Variants in TPD52 observed in about 807,000 individuals in gnomAD.
The protein encoded by TPD52 is tumor protein D52.
In TPD52, 17 loss-of-function variants were observed where a neutral mutation model predicts 31.3. The ratio of observed to expected loss-of-function variants is 0.54; its 90% CI spans 0.37 to 0.82. The LOEUF (loss-of-function observed/expected upper bound fraction) is 0.82. Ranked by LOEUF, TPD52 falls within the 40% of genes least tolerant of loss-of-function variation. The pLI, the probability that TPD52 is intolerant of heterozygous loss-of-function variation, is 0.00. For synonymous variants in TPD52, 83 were observed against 89.6 expected, an observed-to-expected ratio of 0.93 and a Z score of 0.42; for missense variants, 212 against 240.1, an observed-to-expected ratio of 0.88 and a Z score of 0.77.
intron 1 of TPD52, among the ~76,000 whole-genome samples, chr8:80,149,027 T>G (rs940449425): frequency 6.6e-6 from 1 of 152,156 alleles, no homozygotes; most frequent in African/African-American, 2.4e-5. Context: ...CAAAAAGTGT[T>G]GTTACAGCCT....
intron 1 of TPD52, chr8:80,171,095 C>T (rs1812053205): frequency 1.4e-5 from 9 of 638,100 alleles, no homozygotes; most frequent in Non-Finnish European, 2.6e-5. Context: ...GCGCCGTGCT[C>T]CCTTCACGCG....
chr8:80,087,201 ATAAG>A (rs1221395251), intron 1 of TPD52, among the ~76,000 whole-genome samples: 1 of 152,136 alleles, frequency 6.6e-6, no homozygotes, highest in Non-Finnish European at 1.5e-5. Flanking sequence ...GGCTTGTAAC[ATAAG>A]TAAGTGTGTG....
chr8:80,101,059 G>C (rs1806694605), intron 1 of TPD52, among the ~76,000 whole-genome samples: 3 of 152,328 alleles, frequency 2.0e-5, no homozygotes, highest in South Asian at 4.1e-4. Flanking sequence ...ATTTACTATT[G>C]AACGTATTAG....
At chr8:80,096,319 A>ACACACACACACACACAC (rs1563622982) in intron 1 of TPD52, among the ~76,000 whole-genome samples, 27 of 139,350 alleles carry the variant, frequency 1.9e-4, no homozygotes, top group African/African-American at 6.8e-4. Context: ...CACACACACA[A>ACACACACACACACACAC]ACTTCTCCTA....
chr8:80,144,480 G>C (rs1810055310), intron 1 of TPD52, among the ~76,000 whole-genome samples: 1 of 152,218 alleles, frequency 6.6e-6, no homozygotes, highest in African/African-American at 2.4e-5. Context: ...CTGAGGGCCT[G>C]TCTTTGTCAC....
intron 1 of TPD52, among the ~76,000 whole-genome samples, chr8:80,118,687 C>T (rs1447066104): frequency 6.6e-6 from 1 of 152,198 alleles, no homozygotes. Flanking sequence ...TGGCCAACAT[C>T]ATTAGACATC....
intron 2 of TPD52, among the ~76,000 whole-genome samples, chr8:80,062,197 T>C (rs1812623160): frequency 6.6e-6 from 1 of 152,242 alleles, no homozygotes; most frequent in African/African-American, 2.4e-5. Flanking sequence ...AATAGTGTGA[T>C]ACTGTCAAAA....
At chr8:80,154,068 G>T (rs1810760320) in intron 1 of TPD52, among the ~76,000 whole-genome samples, 1 of 152,178 alleles carries the variant, frequency 6.6e-6, no homozygotes, top group African/African-American at 2.4e-5. Context: ...CACTGTGAAG[G>T]ACACAATCAC....
chr8:80,085,691 G>T (rs529660364), intron 1 of TPD52, among the ~76,000 whole-genome samples: 2 of 151,942 alleles, frequency 1.3e-5, no homozygotes, highest in African/African-American at 4.8e-5. Context: ...ATAGAGAGAA[G>T]GAAGAACTAC....
At chr8:80,093,736 T>G (rs557681117) in intron 1 of TPD52, among the ~76,000 whole-genome samples, 1 of 152,330 alleles carries the variant, frequency 6.6e-6, no homozygotes, top group East Asian at 1.9e-4. Flanking sequence ...TCTTGTCAAT[T>G]TTTCATTAAA....
intron 1 of TPD52, chr8:80,080,527 A>G: frequency 1.9e-6 from 3 of 1,577,546 alleles, no homozygotes; most frequent in Admixed American, 1.8e-5. Flanking sequence ...CTTTGGCCAT[A>G]TTCCCTTTGT....
At chr8:80,081,864 C>G (rs1325339548) in intron 1 of TPD52, among the ~76,000 whole-genome samples, 1 of 152,200 alleles carries the variant, frequency 6.6e-6, no homozygotes. Context: ...AGTACAATGG[C>G]ACAATCTCAG....
At chr8:80,080,438 T>C (rs745403299) in intron 1 of TPD52, 11 of 1,614,148 alleles carry the variant, frequency 6.8e-6, no homozygotes, top group Non-Finnish European at 9.3e-6. Context: ...TATAAGTCCA[T>C]CTCTCTACAA....
chr8:80,097,840 A>G (rs1452601102), intron 1 of TPD52, among the ~76,000 whole-genome samples: 1 of 152,240 alleles, frequency 6.6e-6, no homozygotes, highest in Non-Finnish European at 1.5e-5. Context: ...AGAACTTGCA[A>G]AGTTAGAGAG....
chr8:80,074,634 C>A (rs994894364), intron 1 of TPD52, among the ~76,000 whole-genome samples: 17 of 152,204 alleles, frequency 1.1e-4, no homozygotes, highest in Non-Finnish European at 1.5e-5. Context: ...TTGTAACAAC[C>A]AAAAGAGTAT....
At chr8:80,075,259 G>T (rs973382245) in intron 1 of TPD52, among the ~76,000 whole-genome samples, 1 of 152,124 alleles carries the variant, frequency 6.6e-6, no homozygotes, top group Non-Finnish European at 1.5e-5. Flanking sequence ...TTACAGGCGT[G>T]AGCCACCACG....
Position 80,063,399 on chromosome 8 carries a change from G to A in TPD52, c.135+1079C>T, listed in dbSNP as rs535046464. On this transcript the variant is annotated intron_variant, in intron 2 of 7. Coordinates refer to ENST00000518937, the MANE Select transcript of TPD52 (RefSeq NM_001025253.3). The stretch of plus-strand genomic sequence containing the variant: ...GGTATTGCCAGGGGCTGAAGGAGGG[G>A]AGTAGTCAGGATTGAATGCTTAATG... 7.9e-5 allele frequency among the ~76,000 whole-genome samples: 12 copies of A among 152,228 alleles called. No individual in the cohort carries two copies. In the East Asian group the frequency reaches 2.3e-3, roughly 29 times the overall value.
At chr8:80,087,590 G>T (rs545340334) in intron 1 of TPD52, among the ~76,000 whole-genome samples, 1 of 152,232 alleles carries the variant, frequency 6.6e-6, no homozygotes, top group Non-Finnish European at 1.5e-5. Flanking sequence ...CAGCAATCAC[G>T]GGGGCAGGGC....
chr8:80,160,259 C>T (rs369907650), intron 1 of TPD52, among the ~76,000 whole-genome samples: 1 of 151,994 alleles, frequency 6.6e-6, no homozygotes, highest in African/African-American at 2.4e-5. Flanking sequence ...AGATTTGGAA[C>T]GAAGCTTTTG....
Sources: gnomAD v4.1 joint callset for allele counts (sites outside exome capture counted in the v4.1 genomes callset) on GRCh38, gnomAD v4.1.1 for gene constraint, MANE v1.5 for transcripts, NCBI Gene and HGNC (gene_info 2026-07-23, HGNC 2026-07-21) for gene names.